Variants in GRK5 observed in about 807,000 individuals in gnomAD.
GRK5 encodes g protein-coupled receptor kinase GRK5.
Under a neutral mutation model 78.4 loss-of-function variants are expected in GRK5, and 40 were observed. The observed-to-expected ratio is 0.51, with a 90% confidence interval of 0.40 to 0.66. The LOEUF (loss-of-function observed/expected upper bound fraction) is 0.66, where lower values mean the gene tolerates loss of function less well. GRK5 is among the 30% of genes least tolerant of loss of function. GRK5 has a pLI of 0.00. For synonymous variants in GRK5, 289 were observed against 296.8 expected (o/e 0.97, Z 0.27); for missense variants, 598 against 759.9 (o/e 0.79, Z 2.50).
At chr10:119,350,558 C>T (rs1244913693) in intron 2 of GRK5, among the ~76,000 whole-genome samples, 2 of 152,186 alleles carry the variant, frequency 1.3e-5, no homozygotes, top group Non-Finnish European at 2.9e-5. Context: ...TTGCGTTTCC[C>T]GATGGAAACA....
intron 1 of GRK5, among the ~76,000 whole-genome samples, chr10:119,209,178 C>T (rs905314967): frequency 1.3e-5 from 2 of 152,142 alleles, no homozygotes; most frequent in Non-Finnish European, 2.9e-5. Flanking sequence ...CCCGTTCCAT[C>T]ACCTTGTGGC....
At chr10:119,342,932 C>T (rs1304944279) in intron 2 of GRK5, among the ~76,000 whole-genome samples, 1 of 152,200 alleles carries the variant, frequency 6.6e-6, no homozygotes, top group Non-Finnish European at 1.5e-5. Flanking sequence ...CCTTCTGCCT[C>T]CAGGCAGGAG....
intron 1 of GRK5, among the ~76,000 whole-genome samples, chr10:119,251,005 A>G (rs1323195450): frequency 6.6e-6 from 1 of 152,094 alleles, no homozygotes; most frequent in Non-Finnish European, 1.5e-5. Context: ...AAGCAGCTTC[A>G]TTCACCCAGA....
intron 1 of GRK5, among the ~76,000 whole-genome samples, chr10:119,218,001 C>T (rs978725132): frequency 3.9e-5 from 6 of 152,142 alleles, no homozygotes; most frequent in Non-Finnish European, 2.9e-5. Flanking sequence ...CAGAAAAGCT[C>T]TCTCCGGATG....
intron 1 of GRK5, among the ~76,000 whole-genome samples, chr10:119,280,143 G>A (rs1564874718): frequency 6.6e-6 from 1 of 152,136 alleles, no homozygotes; most frequent in Non-Finnish European, 1.5e-5. Context: ...CCTTATCTCT[G>A]GAGGCTTCTC....
chr10:119,377,494 T>A (rs1258424993), intron 2 of GRK5, among the ~76,000 whole-genome samples: 1 of 152,200 alleles, frequency 6.6e-6, no homozygotes, highest in Non-Finnish European at 1.5e-5. Context: ...TGATCTTGAT[T>A]TGAGGTGAAG....
At chr10:119,396,851 G>C in intron 4 of GRK5, 79 bp downstream of exon 4, 1 of 1,056,628 alleles carries the variant, frequency 9.5e-7, no homozygotes, top group Non-Finnish European at 1.5e-6. Flanking sequence ...TCTGTGCCAG[G>C]CCACATGGGG....
At chr10:119,411,537 G>C (rs1021339635) in intron 4 of GRK5, among the ~76,000 whole-genome samples, 1 of 152,306 alleles carries the variant, frequency 6.6e-6, no homozygotes, top group South Asian at 2.1e-4. Flanking sequence ...TTTGAGGGGG[G>C]ACTGAAGCTT....
At chr10:119,295,357 G>T (rs1651934983) in intron 1 of GRK5, among the ~76,000 whole-genome samples, 1 of 152,072 alleles carries the variant, frequency 6.6e-6, no homozygotes, top group Admixed American at 6.5e-5. Flanking sequence ...AACCCATCAG[G>T]CATTGCTGGT....
intron 1 of GRK5, 136 bp downstream of exon 1, chr10:119,208,105 G>C: frequency 1.3e-6 from 1 of 760,576 alleles, no homozygotes; most frequent in South Asian, 1.9e-5. Flanking sequence ...GGACACTTCG[G>C]AGAGCGGCTC....
intron 1 of GRK5, among the ~76,000 whole-genome samples, chr10:119,292,184 CCTCCTCTTCCTCCTT>C (rs1564879839): frequency 4.0e-4 from 30 of 74,612 alleles, no homozygotes; most frequent in Middle Eastern, 6.1e-3. Context: ...TCTTCCTCCT[CCTCCTCTTCCTCCTT>C]CTCCTATTCC....
chr10:119,280,897 A>C (rs1589719446), intron 1 of GRK5, among the ~76,000 whole-genome samples: 4 of 147,070 alleles, frequency 2.7e-5, no homozygotes, highest in Non-Finnish European at 3.0e-5. Flanking sequence ...CTCCTTCCTC[A>C]CCCTCCTGAG....
At chr10:119,409,976 T>G (rs1349641804) in intron 4 of GRK5, among the ~76,000 whole-genome samples, 1 of 152,174 alleles carries the variant, frequency 6.6e-6, no homozygotes, top group Non-Finnish European at 1.5e-5. Flanking sequence ...GCTGGCTGCA[T>G]GCAAACCACT....
At chr10:119,256,561 G>A (rs913899299) in intron 1 of GRK5, among the ~76,000 whole-genome samples, 4 of 152,066 alleles carry the variant, frequency 2.6e-5, no homozygotes, top group African/African-American at 9.7e-5. Context: ...GAGTGGGAAG[G>A]GGAGGCCCTG....
intron 4 of GRK5, among the ~76,000 whole-genome samples, chr10:119,421,144 A>G (rs1228155112): frequency 2.0e-5 from 3 of 152,184 alleles, no homozygotes; most frequent in Non-Finnish European, 4.4e-5. Flanking sequence ...TCACGAACAG[A>G]CAACCAGCAC....
At chr10:119,390,068 T>G (rs1302257596) in intron 3 of GRK5, among the ~76,000 whole-genome samples, 1 of 152,092 alleles carries the variant, frequency 6.6e-6, no homozygotes, top group Non-Finnish European at 1.5e-5. Flanking sequence ...CTTTAGATCC[T>G]TGGTTGGATG....
At chr10:119,223,514 G>T (rs530081301) in intron 1 of GRK5, among the ~76,000 whole-genome samples, 1 of 152,028 alleles carries the variant, frequency 6.6e-6, no homozygotes, top group East Asian at 1.9e-4. Flanking sequence ...GAGCTGGTGG[G>T]TTTTCTGAGT....
chr10:119,396,862 A>T (rs1852063869), intron 4 of GRK5, 90 bp downstream of exon 4: 2 of 971,226 alleles, frequency 2.1e-6, no homozygotes, highest in Non-Finnish European at 3.3e-6. Flanking sequence ...CCACATGGGG[A>T]GCTGTTAAGT....
In GRK5 at chr10:119,217,615, C is replaced by T. The variant is rs542372299; in HGVS notation, c.52+9646C>T. The stretch of plus-strand genomic sequence containing the variant: ...CCCCAAGGGACTGGATGTGAAGCCC[C>T]ATGGGTGGTGGTGGTGGGGACAGTC... On this transcript the variant is annotated intron_variant, in intron 1 of 15. Transcript: ENST00000392870. The surrounding 1 kb of genome is among the most constrained non-coding windows in gnomAD (Gnocchi z 4.1). Among the ~76,000 whole-genome samples, 1 of 152,326 alleles carries T rather than the reference C, an allele frequency of 6.6e-6. No homozygotes were observed. Among genetic ancestry groups the T allele is most frequent in the East Asian group, 1.9e-4 (1 of 5,196 alleles).
Sources: allele counts gnomAD v4.1 joint callset (sites outside exome capture counted in the v4.1 genomes callset), GRCh38; gene constraint gnomAD v4.1.1; non-coding constraint Gnocchi (gnomAD v3.1); transcripts MANE v1.5; gene names NCBI Gene and HGNC (gene_info 2026-07-23, HGNC 2026-07-21).